The following SIPA1L3 variants were observed in gnomAD, a reference collection of about 807,000 sequenced individuals.
SIPA1L3 encodes signal induced proliferation associated 1 like 3.
Under a neutral mutation model 150.1 loss-of-function variants are expected in SIPA1L3, and 59 were observed. The observed-to-expected ratio is 0.39, with a 90% CI of 0.32 to 0.49. The LOEUF is 0.49. Ranked by LOEUF, SIPA1L3 falls within the 20% of genes least tolerant of loss-of-function variation. SIPA1L3 has a pLI of 0.86. For synonymous variants in SIPA1L3, 1,070 were observed against 1,077.6 expected, an observed-to-expected ratio of 0.99 and a Z score of 0.14; for missense variants, 2,211 against 2,489.5, an observed-to-expected ratio of 0.89 and a Z score of 2.38.
intron 1 of SIPA1L3, among the ~76,000 whole-genome samples, chr19:38,018,018 A>G (rs1968277753): frequency 2.0e-5 from 3 of 151,828 alleles, no homozygotes; most frequent in Middle Eastern, 7.0e-3. Context: ...GCAGCCATCC[A>G]GCCACATGGG....
intron 19 of SIPA1L3, among the ~76,000 whole-genome samples, chr19:38,201,427 C>T (rs1363274154): frequency 1.3e-5 from 2 of 152,234 alleles, no homozygotes; most frequent in Non-Finnish European, 1.5e-5. Context: ...TCCCAGCTTC[C>T]TCCGAAGGAG....
intron 16 of SIPA1L3, chr19:38,185,570 G>A (rs779310748): frequency 2.6e-5 from 4 of 152,078 alleles, no homozygotes; most frequent in East Asian, 1.9e-4. Flanking sequence ...TCACAGTTGC[G>A]GAGGCCAGAA....
chr19:38,005,792 A>G (rs557200379), intron 1 of SIPA1L3, among the ~76,000 whole-genome samples: 1 of 152,378 alleles, frequency 6.6e-6, no homozygotes, highest in Admixed American at 6.5e-5. Flanking sequence ...CTCAGCTAGG[A>G]ATCCTGGCAC....
intron 1 of SIPA1L3, among the ~76,000 whole-genome samples, chr19:37,985,260 A>C (rs1410443732): frequency 7.3e-5 from 11 of 150,276 alleles, no homozygotes; most frequent in Admixed American, 7.3e-4. Context: ...GCAGTGGTGC[A>C]ATCTTGGCTC....
chr19:38,114,861 G>A (rs1007085390), intron 8 of SIPA1L3, among the ~76,000 whole-genome samples: 2 of 152,176 alleles, frequency 1.3e-5, no homozygotes, highest in East Asian at 1.9e-4. Context: ...CCGGGGTCGC[G>A]CAGTAGCTCC....
intron 1 of SIPA1L3, among the ~76,000 whole-genome samples, chr19:38,011,362 G>C (rs1968093158): frequency 1.3e-5 from 2 of 152,142 alleles, no homozygotes; most frequent in African/African-American, 4.8e-5. Context: ...TGTAGTCCCA[G>C]CTACTTGGGA....
At chr19:37,986,195 T>G (rs1205426625) in intron 1 of SIPA1L3, among the ~76,000 whole-genome samples, 1 of 152,214 alleles carries the variant, frequency 6.6e-6, no homozygotes, top group Non-Finnish European at 1.5e-5. Context: ...GATTCAGGGC[T>G]TAAACTCCGG....
intron 10 of SIPA1L3, among the ~76,000 whole-genome samples, chr19:38,135,744 G>C (rs2145927917): frequency 6.6e-6 from 1 of 152,264 alleles, no homozygotes; most frequent in East Asian, 1.9e-4. Flanking sequence ...GTTTGCAGGG[G>C]TGGGCGTGGG....
intron 8 of SIPA1L3, among the ~76,000 whole-genome samples, chr19:38,117,265 G>A (rs1292362747): frequency 2.0e-5 from 3 of 152,164 alleles, no homozygotes; most frequent in Non-Finnish European, 4.4e-5. Context: ...GCTGCTCGCC[G>A]GGCTCTTCAG....
At chr19:38,020,354 A>G (rs1386357102) in intron 1 of SIPA1L3, among the ~76,000 whole-genome samples, 1 of 152,142 alleles carries the variant, frequency 6.6e-6, no homozygotes, top group African/African-American at 2.4e-5. Flanking sequence ...GAGGATTACA[A>G]AATAAAGCCT....
In SIPA1L3 at chr19:38,164,458, C is replaced by A; in HGVS notation, c.3781-21C>A. On this transcript the variant is annotated intron_variant, in intron 14 of 21. Transcript: ENST00000222345. The surrounding 1 kb of genome is among the most constrained non-coding windows in gnomAD (Gnocchi z 4.1). ...CCCCTGCCCTGGAGTCTGGGAATGA[C>A]ACGCTTCTCTTGCCTCTCAGGGAGA... 2 of 1,580,842 alleles carry A rather than the reference C, an allele frequency of 1.3e-6. No homozygotes were observed. The highest frequency in any genetic ancestry group is 1.7e-5 in the Admixed American group (1 of 58,506).
chr19:38,190,909 C>T (rs903191974), intron 16 of SIPA1L3, among the ~76,000 whole-genome samples: 3 of 152,148 alleles, frequency 2.0e-5, no homozygotes, highest in Non-Finnish European at 4.4e-5. Context: ...TACGTGTTTC[C>T]TGCCATCTCT....
chr19:37,987,277 C>T (rs1400830001), intron 1 of SIPA1L3, among the ~76,000 whole-genome samples: 2 of 152,056 alleles, frequency 1.3e-5, no homozygotes, highest in African/African-American at 4.8e-5. Context: ...ATGCTGTTTC[C>T]CGGACCTTAG....
chr19:38,180,336 CT>C, intron 15 of SIPA1L3, among the ~76,000 whole-genome samples: 1 of 149,436 alleles, frequency 6.7e-6, no homozygotes, highest in East Asian at 2.0e-4. Flanking sequence ...GTTTTTTTTT[CT>C]TTTTTATAGA....
At chr19:38,092,201 G>T in intron 4 of SIPA1L3, among the ~76,000 whole-genome samples, 1 of 152,018 alleles carries the variant, frequency 6.6e-6, no homozygotes, top group Non-Finnish European at 1.5e-5. Context: ...AGGCACCATA[G>T]TGATACCCGT....
chr19:38,045,056 C>A (rs1208065179), intron 2 of SIPA1L3, among the ~76,000 whole-genome samples: 1 of 152,142 alleles, frequency 6.6e-6, no homozygotes, highest in East Asian at 1.9e-4. Flanking sequence ...GGCTTCATGG[C>A]CCTCACCACC....
At chr19:38,050,091 A>G (rs2145757991) in intron 2 of SIPA1L3, among the ~76,000 whole-genome samples, 1 of 152,332 alleles carries the variant, frequency 6.6e-6, no homozygotes. Context: ...TAAATATAAA[A>G]TGGAAATAAT....
intron 1 of SIPA1L3, among the ~76,000 whole-genome samples, chr19:37,930,088 G>C (rs935448119): frequency 6.7e-6 from 1 of 148,290 alleles, no homozygotes; most frequent in Non-Finnish European, 1.5e-5. Context: ...GCAGTGGCGC[G>C]ATCTCGGCTC....
chr19:38,003,703 T>C, intron 1 of SIPA1L3, among the ~76,000 whole-genome samples: 1 of 152,218 alleles, frequency 6.6e-6, no homozygotes, highest in Non-Finnish European at 1.5e-5. Context: ...TTGTGGAACC[T>C]GCCATGTGGC....
Sources: allele counts gnomAD v4.1 joint callset (sites outside exome capture counted in the v4.1 genomes callset), GRCh38; gene constraint gnomAD v4.1.1; non-coding constraint Gnocchi (gnomAD v3.1); transcripts MANE v1.5; gene names NCBI Gene and HGNC (gene_info 2026-07-23, HGNC 2026-07-21).